SLC39A11: variants seen among roughly 807,000 people sequenced by gnomAD.
SLC39A11 encodes zinc transporter ZIP11.
In SLC39A11, 33 loss-of-function variants were observed where a neutral mutation model predicts 36.1. That is an observed-to-expected ratio of 0.91 (90% CI 0.69 to 1.22). SLC39A11 has a LOEUF of 1.22. Ranked by LOEUF, SLC39A11 falls within the 50% of genes most tolerant of loss-of-function variation. The pLI is 0.00. For synonymous variants in SLC39A11, 166 were observed against 170.3 expected, an observed-to-expected ratio of 0.97 and a Z score of 0.20; for missense variants, 432 against 430.3, an observed-to-expected ratio of 1.00 and a Z score of -0.03.
chr17:72,900,310 G>A (rs1424422939), intron 5 of SLC39A11, among the ~76,000 whole-genome samples: 4 of 152,188 alleles, frequency 2.6e-5, no homozygotes, highest in African/African-American at 9.6e-5. Context: ...ATTTGAGCAA[G>A]GATGTCAACA....
rs191439097 is a variant in SLC39A11 at position 72,925,282 on chromosome 17, G to C, written c.430+22470C>G. On this transcript the variant is annotated intron_variant, in intron 5 of 9. Coordinates refer to ENST00000255559, the MANE Select transcript of SLC39A11 (RefSeq NM_139177.4). The stretch of plus-strand genomic sequence containing the variant: ...TCCAGACCTGCTGATAGAATCTCAT[G>C]AGATCCTGAAATTCACACCTGATTC... Among the ~76,000 whole-genome samples, 9 of 152,292 alleles carry C rather than the reference G, an allele frequency of 5.9e-5. No homozygotes were observed. In the East Asian group the frequency reaches 1.3e-3, roughly 23 times the overall value.
At position 72,729,457 on chromosome 17, in the gene SLC39A11, A is replaced by ATT. The variant is rs55729197; in HGVS notation, c.671+7191_671+7192dup. Among the ~76,000 whole-genome samples, 21 of 7,236 alleles carry ATT rather than the reference A, an allele frequency of 2.9e-3. 2 individuals are homozygous for ATT. In the South Asian group the frequency reaches 0.038, roughly 13 times the overall value. 4.7% of individuals were successfully genotyped at this position (7,236 alleles called of 152,430 possible). A position where few individuals can be genotyped will look rare whatever the true frequency, so the allele number is the denominator to read the frequency against. On this transcript the variant is annotated intron_variant, in intron 7 of 9. Transcript: ENST00000255559. ...TATATATATATATATATATATATAT[A>ATT]TTTTTTTTTTTTTTTTTTTTTGTAG...
chr17:73,014,464 C>A (rs1343875763), intron 4 of SLC39A11, among the ~76,000 whole-genome samples: 5 of 152,160 alleles, frequency 3.3e-5, no homozygotes, highest in African/African-American at 1.2e-4. Context: ...CAAGACCAAC[C>A]TGGGCAACGT....
chr17:73,070,780 G>T (rs1003414693), intron 3 of SLC39A11, among the ~76,000 whole-genome samples: 2 of 152,166 alleles, frequency 1.3e-5, no homozygotes, highest in Non-Finnish European at 1.5e-5. Flanking sequence ...TTATAAAGGA[G>T]AGTTTCCCTG....
At chr17:72,665,997 T>C (rs919982951) in intron 7 of SLC39A11, among the ~76,000 whole-genome samples, 1 of 152,194 alleles carries the variant, frequency 6.6e-6, no homozygotes, top group Non-Finnish European at 1.5e-5. Flanking sequence ...GAAACAGACA[T>C]GTGTGCAGAT....
chr17:72,784,442 G>A (rs2076431155), intron 6 of SLC39A11, among the ~76,000 whole-genome samples: 1 of 152,186 alleles, frequency 6.6e-6, no homozygotes, highest in Non-Finnish European at 1.5e-5. Flanking sequence ...ACACCAGAAT[G>A]TCAACGTAGT....
intron 5 of SLC39A11, among the ~76,000 whole-genome samples, chr17:72,894,524 G>C (rs2081934072): frequency 1.4e-5 from 2 of 145,410 alleles, no homozygotes; most frequent in Admixed American, 1.4e-4. Flanking sequence ...AAAAAAATTA[G>C]CCGGGTGTGG....
intron 5 of SLC39A11, among the ~76,000 whole-genome samples, chr17:72,903,684 GGA>G (rs1383992996): frequency 6.6e-6 from 1 of 152,152 alleles, no homozygotes; most frequent in Admixed American, 6.5e-5. Context: ...AGGGGGAGGT[GGA>G]GAGAGAAGAT....
intron 3 of SLC39A11, among the ~76,000 whole-genome samples, 175 bp from the exon 4 acceptor site, chr17:73,031,889 G>A (rs371513450): frequency 3.9e-5 from 6 of 152,088 alleles, no homozygotes; most frequent in Non-Finnish European, 5.9e-5. Flanking sequence ...CAGAATTCCC[G>A]GAGCTTACTA....
intron 6 of SLC39A11, among the ~76,000 whole-genome samples, chr17:72,782,685 C>T (rs868238431): frequency 6.2e-5 from 5 of 80,988 alleles, no homozygotes; most frequent in African/African-American, 2.4e-4. Context: ...AAGACCCCAT[C>T]TCAAAAAAAA....
chr17:72,885,899 C>T (rs1303413185), intron 5 of SLC39A11, among the ~76,000 whole-genome samples: 1 of 152,222 alleles, frequency 6.6e-6, no homozygotes, highest in Non-Finnish European at 1.5e-5. Flanking sequence ...GATGCATCTC[C>T]ACCATTCTAC....
chr17:72,687,457 A>C (rs1340438779), intron 7 of SLC39A11, among the ~76,000 whole-genome samples: 3 of 152,114 alleles, frequency 2.0e-5, no homozygotes, highest in Admixed American at 6.5e-5. Flanking sequence ...GTTAGCCAGG[A>C]TGGTCTCGAT....
At chr17:73,086,247 G>A (rs1385639150) in intron 2 of SLC39A11, among the ~76,000 whole-genome samples, 1 of 152,044 alleles carries the variant, frequency 6.6e-6, no homozygotes, top group East Asian at 1.9e-4. Flanking sequence ...TTATCAAGCT[G>A]CATACTTATA....
At chr17:72,750,178 G>A (rs1376015603) in intron 6 of SLC39A11, among the ~76,000 whole-genome samples, 1 of 152,172 alleles carries the variant, frequency 6.6e-6, no homozygotes, top group Non-Finnish European at 1.5e-5. Context: ...CCACAAGAGG[G>A]TCTCACATCC....
chr17:72,709,259 C>A (rs1391776780), intron 7 of SLC39A11, among the ~76,000 whole-genome samples: 1 of 152,072 alleles, frequency 6.6e-6, no homozygotes, highest in Non-Finnish European at 1.5e-5. Context: ...TTTTTAAACT[C>A]ACTTGCCTGA....
At chr17:72,668,222 C>G (rs1398970288) in intron 7 of SLC39A11, among the ~76,000 whole-genome samples, 1 of 151,766 alleles carries the variant, frequency 6.6e-6, no homozygotes, top group Non-Finnish European at 1.5e-5. Context: ...AAAGAAGTTT[C>G]CAGTATTTTC....
At chr17:72,728,511 G>A (rs2074026156) in intron 7 of SLC39A11, among the ~76,000 whole-genome samples, 1 of 151,820 alleles carries the variant, frequency 6.6e-6, no homozygotes, top group South Asian at 2.1e-4. Flanking sequence ...TTTCAGCTTT[G>A]CAGATAGTAA....
At chr17:73,009,864 G>T (rs12944542) in intron 4 of SLC39A11, among the ~76,000 whole-genome samples, 143,517 of 151,648 alleles carry the variant, frequency 0.95, 68,458 homozygotes, top group Middle Eastern at 1. Flanking sequence ...ATTAGGTGTA[G>T]CTCCTAATGC....
chr17:72,951,628 A>G (rs1280574668), intron 4 of SLC39A11, among the ~76,000 whole-genome samples: 2 of 152,178 alleles, frequency 1.3e-5, no homozygotes, highest in Non-Finnish European at 2.9e-5. Context: ...TGATAATGCC[A>G]AAAGAAAAAT....
Sources: gnomAD v4.1 joint callset for allele counts (sites outside exome capture counted in the v4.1 genomes callset) on GRCh38, gnomAD v4.1.1 for gene constraint, MANE v1.5 for transcripts, NCBI Gene and HGNC (gene_info 2026-07-23, HGNC 2026-07-21) for gene names.